PID1: variants seen among roughly 807,000 people sequenced by gnomAD.
PID1 encodes the protein PTB-containing, cubilin and LRP1-interacting protein.
PID1 carries 10 observed loss-of-function variants against 19.1 expected under a neutral mutation model. That is an observed-to-expected ratio of 0.52 (90% CI 0.32 to 0.89). The LOEUF (loss-of-function observed/expected upper bound fraction) is 0.89. Among genes scored for constraint, PID1 ranks in the 40% least tolerant of loss-of-function variants. The probability of loss-of-function intolerance (pLI) is 0.03; values close to 1 mark genes in which losing one functional copy is unlikely to be tolerated. For missense variants in PID1, 248 were observed against 285.3 expected (o/e 0.87, Z 0.94); for synonymous variants, 130 against 116.0 (o/e 1.12, Z -0.78).
rs1178264762 is a variant in PID1 at position 229,029,929 on chromosome 2, A to G, written c.178-3821T>C. Among the ~76,000 whole-genome samples the G allele has an allele frequency of 2.0e-5, 3 of 152,112 alleles. No homozygotes were observed. In the East Asian group the frequency reaches 5.8e-4, roughly 29 times the overall value. ...TATACCCCAAATAATTGAAAGATGTATATCAAAGAGATATTGTACACATGT... is the reference window on the plus strand; with the variant it reads ...TATACCCCAAATAATTGAAAGATGTGTATCAAAGAGATATTGTACACATGT... On this transcript the variant is annotated intron_variant, in intron 2 of 2. Transcript: ENST00000392055.
At chr2:229,040,127 A>C (rs1010408329) in intron 2 of PID1, among the ~76,000 whole-genome samples, 3 of 151,544 alleles carry the variant, frequency 2.0e-5, no homozygotes, top group Non-Finnish European at 2.9e-5. Context: ...GTGGAAAAAA[A>C]AAAAAAAAAG....
intron 2 of PID1, among the ~76,000 whole-genome samples, chr2:229,114,322 A>G (rs1695368440): frequency 1.3e-5 from 2 of 152,032 alleles, no homozygotes; most frequent in South Asian, 4.2e-4. Context: ...TCTATTTAAG[A>G]AGTGCAGCTG....
At chr2:229,110,920 G>A (rs952601526) in intron 2 of PID1, among the ~76,000 whole-genome samples, 4 of 152,144 alleles carry the variant, frequency 2.6e-5, no homozygotes, top group African/African-American at 9.7e-5. Flanking sequence ...ATCTTGGATT[G>A]TAGCTCCCAT....
In PID1 at chr2:229,151,678, C is replaced by T. The variant is rs374623783; in HGVS notation, c.177+4140G>A. 1.8e-4 allele frequency among the ~76,000 whole-genome samples: 27 copies of T among 151,728 alleles called. No individual in the cohort carries two copies. The South Asian group carries it at 4.4e-3, about 25-fold the overall frequency. On this transcript the variant is annotated intron_variant, in intron 2 of 2. Coordinates refer to ENST00000392055, the MANE Select transcript of PID1 (RefSeq NM_001100818.2). ...CTCCACCTCCCGGGTTCATGCCATT[C>T]TCCTGCCTCAACCTCCCGAGTAGCT...
At chr2:229,246,516 T>C (rs759509514) in intron 1 of PID1, among the ~76,000 whole-genome samples, 12 of 152,142 alleles carry the variant, frequency 7.9e-5, no homozygotes, top group African/African-American at 1.4e-4. Context: ...GTCACTCTAT[T>C]CATGTTGAGC....
chr2:229,142,976 GA>G (rs1209200184), intron 2 of PID1, among the ~76,000 whole-genome samples: 5 of 149,018 alleles, frequency 3.4e-5, no homozygotes, highest in Non-Finnish European at 5.9e-5. Flanking sequence ...ACTGGATTAA[GA>G]AAATGTGGCA....
intron 2 of PID1, among the ~76,000 whole-genome samples, chr2:229,120,027 A>T (rs886225076): frequency 6.6e-6 from 1 of 151,786 alleles, no homozygotes; most frequent in African/African-American, 2.4e-5. Context: ...TACACCACCA[A>T]CTCTTCTGGT....
At chr2:229,260,816 CATTTT>C (rs1310957430) in intron 1 of PID1, among the ~76,000 whole-genome samples, 1 of 121,186 alleles carries the variant, frequency 8.3e-6, no homozygotes. Flanking sequence ...TTCTGATTGC[CATTTT>C]TTTTTTTTTT....
At chr2:229,265,129 CT>C (rs1164252914) in intron 1 of PID1, among the ~76,000 whole-genome samples, 5 of 151,904 alleles carry the variant, frequency 3.3e-5, no homozygotes, top group East Asian at 3.9e-4. Flanking sequence ...GACAGATATG[CT>C]TTTTTTTCGT....
intron 2 of PID1, among the ~76,000 whole-genome samples, chr2:229,120,011 A>G (rs182394348): frequency 1.3e-5 from 2 of 152,276 alleles, no homozygotes; most frequent in Admixed American, 1.3e-4. Context: ...TCCCAGACCT[A>G]CAAACTACAC....
chr2:229,252,403 A>C (rs561154718), intron 1 of PID1, among the ~76,000 whole-genome samples: 1 of 152,288 alleles, frequency 6.6e-6, no homozygotes, highest in Admixed American at 6.5e-5. Flanking sequence ...ACTCCCTCTA[A>C]GTTTCATCAA....
chr2:229,164,763 G>A (rs374940508), intron 1 of PID1, among the ~76,000 whole-genome samples: 1 of 152,184 alleles, frequency 6.6e-6, no homozygotes, highest in African/African-American at 2.4e-5. Flanking sequence ...CCTTGAAACA[G>A]TTTGCAGGCT....
In PID1 at chr2:229,229,387, GC is replaced by G. The variant is rs1466532015; in HGVS notation, c.30+41626del. ...GATTGCAATTGGATGTTCTTGCATT[GC>G]CCCCCAAAAATAAAATGTTTAAAAG... On this transcript the variant is annotated intron_variant, in intron 1 of 2. Transcript: ENST00000392055. 2.0e-5 allele frequency among the ~76,000 whole-genome samples: 3 copies of G among 152,006 alleles called. No individual in the cohort carries two copies. In the East Asian group the frequency reaches 5.8e-4, roughly 29 times the overall value.
chr2:229,206,955 G>C (rs146724000), intron 1 of PID1, among the ~76,000 whole-genome samples: 1 of 152,022 alleles, frequency 6.6e-6, no homozygotes, highest in African/African-American at 2.4e-5. Flanking sequence ...TTTCTATCAG[G>C]CTCCCAGGTG....
intron 2 of PID1, among the ~76,000 whole-genome samples, chr2:229,119,135 C>T (rs1695467608): frequency 6.6e-6 from 1 of 152,160 alleles, no homozygotes; most frequent in African/African-American, 2.4e-5. Context: ...CAGTCACTTT[C>T]TAAAGAAATG....
chr2:229,043,845 T>C (rs1693821731), intron 2 of PID1, among the ~76,000 whole-genome samples: 1 of 152,148 alleles, frequency 6.6e-6, no homozygotes. Flanking sequence ...AAAATGCATC[T>C]TGGCAATGCC....
chr2:229,157,227 C>G (rs527979296), intron 1 of PID1, among the ~76,000 whole-genome samples: 1 of 152,030 alleles, frequency 6.6e-6, no homozygotes, highest in Admixed American at 6.6e-5. Context: ...GTCACAAGTT[C>G]GAGACCAGCC....
intron 2 of PID1, among the ~76,000 whole-genome samples, chr2:229,036,132 A>C (rs1693657894): frequency 6.6e-6 from 1 of 152,198 alleles, no homozygotes; most frequent in Non-Finnish European, 1.5e-5. Context: ...ACTAGACAAC[A>C]CATGCTAAAA....
intron 1 of PID1, among the ~76,000 whole-genome samples, chr2:229,254,182 T>C (rs1559304414): frequency 6.6e-6 from 1 of 151,982 alleles, no homozygotes; most frequent in African/African-American, 2.4e-5. Context: ...ACCTCCAAAA[T>C]TGAATGGAGT....
Sources: gnomAD v4.1 joint callset for allele counts (sites outside exome capture counted in the v4.1 genomes callset) on GRCh38, gnomAD v4.1.1 for gene constraint, MANE v1.5 for transcripts, NCBI Gene and HGNC (gene_info 2026-07-23, HGNC 2026-07-21) for gene names.